Variants in YTHDF2 observed in about 807,000 individuals in gnomAD.
The protein encoded by YTHDF2 is YTH domain-containing family protein 2.
A neutral mutation model predicts 50.4 loss-of-function variants in YTHDF2; 2 were observed. The ratio of observed to expected loss-of-function variants is 0.04; its 90% CI spans 0.02 to 0.12. The LOEUF (loss-of-function observed/expected upper bound fraction) is 0.12. YTHDF2 is among the 10% of genes least tolerant of loss of function. YTHDF2 has a pLI of 1.00. For synonymous variants in YTHDF2, 217 were observed against 255.6 expected (o/e 0.85, Z 1.44); for missense variants, 483 against 722.6 (o/e 0.67, Z 3.80).
chr1:28,760,011 A>G (rs1046289259), intron 4 of YTHDF2, among the ~76,000 whole-genome samples: 2 of 150,144 alleles, frequency 1.3e-5, no homozygotes, highest in Admixed American at 6.6e-5. Flanking sequence ...AAACTATGGC[A>G]AACACATTAG....
At position 28,742,680 on chromosome 1, in the gene YTHDF2, A is replaced by G. The variant is rs528989825; in HGVS notation, c.410A>G (p.Asn137Ser). The G allele has an allele frequency of 3.7e-6, 6 of 1,614,196 alleles. 1 individual carries two copies. In the South Asian group the frequency reaches 5.5e-5, roughly 15 times the overall value. ...ATTGACTTCTCAGCATGGGGAAATAACAGTTCTCAGGGACAGTCTACTCAG... is the reference window on the plus strand; with the variant it reads ...ATTGACTTCTCAGCATGGGGAAATAGCAGTTCTCAGGGACAGTCTACTCAG... Reference protein sequence around the residue: ...SGIDFSAWGNNSSQGQSTQSS... With the variant: ...SGIDFSAWGNSSSQGQSTQSS... Residue 137 changes from asparagine (N) to serine (S), a missense_variant, in exon 4 of 5, where the codon AAC becomes AGC. Physicochemically the swap from Asn to Ser is conservative, Grantham distance 46. Transcript: ENST00000373812.
chr1:28,746,054 T>G (rs976693570), intron 4 of YTHDF2, among the ~76,000 whole-genome samples: 3 of 151,934 alleles, frequency 2.0e-5, no homozygotes, highest in East Asian at 1.9e-4. Flanking sequence ...TAAATAAAAT[T>G]TACAGTATTT....
intron 4 of YTHDF2, among the ~76,000 whole-genome samples, chr1:28,766,396 A>G (rs1413849551): frequency 6.6e-6 from 1 of 152,170 alleles, no homozygotes; most frequent in Non-Finnish European, 1.5e-5. Context: ...GGATTACAGG[A>G]GTGAGCTATT....
intron 3 of YTHDF2, 71 bp from the exon 4 acceptor site, chr1:28,742,332 C>G: frequency 1.3e-6 from 2 of 1,502,656 alleles, no homozygotes; most frequent in Non-Finnish European, 1.8e-6. Context: ...AATTGCGTGA[C>G]TAGGTGGGGG....
At chr1:28,767,049 C>G (rs1401004740) in intron 4 of YTHDF2, among the ~76,000 whole-genome samples, 6 of 147,048 alleles carry the variant, frequency 4.1e-5, no homozygotes, top group Non-Finnish European at 5.9e-5. Flanking sequence ...CATATGTTGG[C>G]CAGGCTGGTC....
At position 28,762,137 on chromosome 1, in the gene YTHDF2, A is replaced by C. The variant is rs529774528; in HGVS notation, c.1717-6792A>C. The stretch of plus-strand genomic sequence containing the variant: ...GCCGGGCGTGGTGGCTCACGCTTGT[A>C]ATCCCAGCACTTTGGGAGGCTGAGG... On this transcript the variant is annotated intron_variant, in intron 4 of 4. Coordinates refer to ENST00000373812, the MANE Select transcript of YTHDF2 (RefSeq NM_016258.3). Among the ~76,000 whole-genome samples the C allele has an allele frequency of 5.9e-5, 9 of 152,276 alleles. No individual in the cohort carries two copies. The East Asian group carries it at 1.5e-3, about 26-fold the overall frequency.
intron 4 of YTHDF2, among the ~76,000 whole-genome samples, chr1:28,752,562 G>A (rs1179731856): frequency 6.6e-6 from 1 of 152,136 alleles, no homozygotes; most frequent in Admixed American, 6.5e-5. Context: ...CCAAAGTGCT[G>A]GGATTACAGG....
chr1:28,766,076 C>G (rs563713011), intron 4 of YTHDF2, among the ~76,000 whole-genome samples: 2 of 152,166 alleles, frequency 1.3e-5, no homozygotes, highest in African/African-American at 2.4e-5. Flanking sequence ...ATTTGGAGAC[C>G]GTGGTTTCAT....
At chr1:28,751,090 C>CAAAAAAAAAAAAAAAAA (rs56916547) in intron 4 of YTHDF2, among the ~76,000 whole-genome samples, 1 of 33,754 alleles carries the variant, frequency 3.0e-5, no homozygotes, top group East Asian at 6.7e-4. Context: ...GAGACTGTCT[C>CAAAAAAAAAAAAAAAAA]AAAAAAAAAA....
intron 4 of YTHDF2, among the ~76,000 whole-genome samples, chr1:28,757,380 T>A (rs541488414): frequency 6.6e-6 from 1 of 152,182 alleles, no homozygotes; most frequent in Non-Finnish European, 1.5e-5. Context: ...GCCAATCCCC[T>A]GTGTGAACTG....
intron 2 of YTHDF2, 75 bp downstream of exon 2, chr1:28,737,757 G>A (rs2087717217): frequency 1.9e-6 from 3 of 1,575,530 alleles, no homozygotes; most frequent in Non-Finnish European, 2.6e-6. Context: ...TCCGGGAAGC[G>A]CCCCGGGCGG....
At chr1:28,758,678 C>T (rs1262709230) in intron 4 of YTHDF2, among the ~76,000 whole-genome samples, 1 of 152,088 alleles carries the variant, frequency 6.6e-6, no homozygotes, top group African/African-American at 2.4e-5. Context: ...TTTAGTCTAC[C>T]CCACTGTCAT....
chr1:28,744,577 A>C (rs901920332), intron 4 of YTHDF2, among the ~76,000 whole-genome samples: 14 of 152,248 alleles, frequency 9.2e-5, no homozygotes. Flanking sequence ...AAGAGTTGGT[A>C]GCGTTTGCTC....
At position 28,738,252 on chromosome 1, in the gene YTHDF2, TC is replaced by T. The variant is rs754891096; in HGVS notation, c.53-6del. On this transcript the variant is annotated splice_polypyrimidine_tract_variant and splice_region_variant and intron_variant, in intron 2 of 4. Transcript: ENST00000373812. Reference sequence around the variant, plus strand: ...GGACACTCCTAATTGAATTTTTTTTTCTTTAGTACAAAATGGATCTGTACAT... The same window carrying T: ...GGACACTCCTAATTGAATTTTTTTTTTTTAGTACAAAATGGATCTGTACAT... The T allele has an allele frequency of 4.3e-6, 7 of 1,611,752 alleles. No individual in the cohort carries two copies. The highest frequency in any genetic ancestry group is 1.3e-5 in the African/African-American group (1 of 74,872).
rs774976086 is a variant in YTHDF2 at position 28,737,662 on chromosome 1, C to T, written c.32C>T (p.Pro11Leu). ...CGACGTTTCCTTCCCCTGCAGAGAC[C>T]AAAAGGTCAAGGAAACAAAGGTAAG... MSASSLLEQR[P>L]KGQGNKVQNG... is the part of the protein sequence containing the mutation. The change falls in exon 2 of 5, where the codon CCA becomes CTA. Residue 11 changes from proline to leucine, a missense_variant. This residue lies in a region of YTHDF2 where 385 missense variants were observed against 475.8 expected (regional missense o/e 0.81). Transcript: ENST00000373812. 6.2e-7 allele frequency: 1 copy of T among 1,612,018 alleles called. No homozygotes were observed. The highest frequency in any genetic ancestry group is 2.2e-5 in the East Asian group (1 of 44,786).
Position 28,769,378 on chromosome 1 carries a change from C to T in YTHDF2, c.*426C>T, listed in dbSNP as rs866258710. ...TTGAGTTGTGAAGGTTTTGGGCATC[C>T]ACCCCAGAAAGTGGGAATTTGATTT... is the stretch of plus-strand genomic sequence containing the variant. On this transcript the variant is annotated 3_prime_UTR_variant, in exon 5 of 5. Coordinates refer to ENST00000373812, the MANE Select transcript of YTHDF2 (RefSeq NM_016258.3). 1.3e-5 allele frequency: 2 copies of T among 153,440 alleles called. No homozygotes were observed. The highest frequency in any genetic ancestry group is 4.8e-5 in the African/African-American group (2 of 41,460). The allele number at this position is 153,440 out of a possible 1,614,324, so 9.5% of individuals were successfully genotyped here.
chr1:28,737,265 C>T, intron 1 of YTHDF2, 118 bp downstream of exon 1: 1 of 1,366,878 alleles, frequency 7.3e-7, no homozygotes, highest in Non-Finnish European at 9.7e-7. Context: ...TCTTGCGGGC[C>T]AGGTTTCGGG....
intron 3 of YTHDF2, among the ~76,000 whole-genome samples, chr1:28,739,918 G>T (rs1176579341): frequency 6.6e-6 from 1 of 152,156 alleles, no homozygotes; most frequent in Non-Finnish European, 1.5e-5. Context: ...AGGAAAACTG[G>T]CAATATATCT....
At chr1:28,764,160 A>T (rs922444356) in intron 4 of YTHDF2, among the ~76,000 whole-genome samples, 5 of 151,630 alleles carry the variant, frequency 3.3e-5, no homozygotes, top group Non-Finnish European at 7.4e-5. Context: ...CATGTTGGTC[A>T]GGCTGGTCTC....
Sources: gnomAD v4.1 joint callset for allele counts (sites outside exome capture counted in the v4.1 genomes callset) on GRCh38, gnomAD v4.1.1 for gene constraint, gnomAD v4.1.1 regional missense constraint, MANE v1.5 for transcripts, NCBI Gene and HGNC (gene_info 2026-07-23, HGNC 2026-07-21) for gene names.